KLF12: variants seen among roughly 807,000 people sequenced by gnomAD.
KLF12 encodes the protein KLF transcription factor 12, also known as Krueppel-like factor 12.
KLF12 carries 9 observed loss-of-function variants against 37.8 expected under a neutral mutation model. The observed-to-expected ratio is 0.24, with a 90% CI of 0.14 to 0.42. KLF12 has a LOEUF of 0.42. Among genes scored for constraint, KLF12 ranks in the 10% least tolerant of loss-of-function variants. The pLI is 1.00. For missense variants in KLF12, 411 were observed against 516.0 expected, an observed-to-expected ratio of 0.80 and a Z score of 1.97; for synonymous variants, 208 against 202.1, an observed-to-expected ratio of 1.03 and a Z score of -0.25.
At chr13:73,726,268 C>T (rs1201152320) in intron 6 of KLF12, among the ~76,000 whole-genome samples, 1 of 152,154 alleles carries the variant, frequency 6.6e-6, no homozygotes, top group Non-Finnish European at 1.5e-5. Context: ...TATTATGTTC[C>T]TTCTTTCTTT....
At chr13:74,034,201 T>TA (rs1893187036) in intron 1 of KLF12, among the ~76,000 whole-genome samples, 1 of 152,140 alleles carries the variant, frequency 6.6e-6, no homozygotes, top group East Asian at 1.9e-4. Context: ...TAGCTGGGAT[T>TA]AGAGGCACCC....
intron 2 of KLF12, among the ~76,000 whole-genome samples, chr13:73,954,507 C>A (rs563653659): frequency 1.3e-5 from 2 of 152,196 alleles, no homozygotes; most frequent in Non-Finnish European, 2.9e-5. Context: ...AAAAGCATGA[C>A]GTAGTGTTTG....
intron 3 of KLF12, among the ~76,000 whole-genome samples, chr13:73,899,152 G>GT (rs1887925329): frequency 6.6e-6 from 1 of 152,196 alleles, no homozygotes; most frequent in Admixed American, 6.5e-5. Context: ...ATGGCCACTG[G>GT]GAGACTGAAC....
chr13:74,154,812 G>T, the KLF12 span, among the ~76,000 whole-genome samples: 1 of 152,180 alleles, frequency 6.6e-6, no homozygotes, highest in African/African-American at 2.4e-5. Flanking sequence ...GGGTCCCAAG[G>T]TTCCCCTAGC....
chr13:74,038,908 G>T (rs1274730235), intron 1 of KLF12, among the ~76,000 whole-genome samples: 11 of 150,298 alleles, frequency 7.3e-5, no homozygotes, highest in Admixed American at 5.9e-4. Flanking sequence ...AACATCCCAG[G>T]GGAAAAAAAA....
rs190774452 is a variant in KLF12, at chr13:74,132,008, T to A, written c.-32+1731A>T. On this transcript the variant is annotated intron_variant, in intron 1 of 7. Transcript: ENST00000377669. ...CTATTTCCACTATGCTTCTACAGTT[T>A]GAAATTTTCTAACCTAAAAGTATAC... Among the ~76,000 whole-genome samples, 108 of 152,310 alleles carry A rather than the reference T, an allele frequency of 7.1e-4. 1 individual carries two copies. Among genetic ancestry groups the A allele is most frequent in the African/African-American group, 2.5e-3 (106 of 41,572 alleles).
chr13:74,297,296 G>A, the KLF12 span, among the ~76,000 whole-genome samples: 2 of 152,148 alleles, frequency 1.3e-5, no homozygotes, highest in Non-Finnish European at 2.9e-5. Flanking sequence ...GAGATGTCAG[G>A]TGAGAAAATA....
the KLF12 span, among the ~76,000 whole-genome samples, chr13:74,146,061 T>C: frequency 1.3e-5 from 2 of 152,180 alleles, no homozygotes; most frequent in Non-Finnish European, 2.9e-5. Context: ...CAGAACTCTT[T>C]GAAAATTGGT....
At chr13:73,769,077 AC>A (rs1221844095) in intron 5 of KLF12, among the ~76,000 whole-genome samples, 1 of 152,238 alleles carries the variant, frequency 6.6e-6, no homozygotes, top group African/African-American at 2.4e-5. Flanking sequence ...GCATGTGGGT[AC>A]TTATAAGAAG....
At chr13:74,035,012 A>C (rs1593846275) in intron 1 of KLF12, among the ~76,000 whole-genome samples, 1 of 152,256 alleles carries the variant, frequency 6.6e-6, no homozygotes, top group Middle Eastern at 3.4e-3. Flanking sequence ...CAGCCTCACC[A>C]GTTTCCTGTT....
At chr13:73,717,066 A>T (rs1338836178) in intron 6 of KLF12, among the ~76,000 whole-genome samples, 1 of 152,278 alleles carries the variant, frequency 6.6e-6, no homozygotes, top group African/African-American at 2.4e-5. Flanking sequence ...ACCGAGGGCC[A>T]CACAGTCTTA....
intron 5 of KLF12, among the ~76,000 whole-genome samples, chr13:73,808,497 T>C (rs1276391244): frequency 1.3e-5 from 2 of 152,198 alleles, no homozygotes; most frequent in Non-Finnish European, 2.9e-5. Context: ...ATTGCTGTTG[T>C]AGCCACTAAG....
chr13:74,196,585 C>T, the KLF12 span, among the ~76,000 whole-genome samples: 16 of 152,240 alleles, frequency 1.1e-4, no homozygotes, highest in African/African-American at 3.6e-4. Context: ...TGGTAGGTTT[C>T]ATTAAATATT....
At chr13:73,992,161 G>C (rs2138252026) in intron 2 of KLF12, among the ~76,000 whole-genome samples, 1 of 152,272 alleles carries the variant, frequency 6.6e-6, no homozygotes, top group Non-Finnish European at 1.5e-5. Flanking sequence ...GAAGCACTGG[G>C]TAAACATATT....
intron 6 of KLF12, among the ~76,000 whole-genome samples, chr13:73,758,525 G>A (rs1879337258): frequency 6.6e-6 from 1 of 152,076 alleles, no homozygotes; most frequent in African/African-American, 2.4e-5. Flanking sequence ...GTACAGTGTT[G>A]GGAAGATACC....
chr13:74,161,849 T>C, the KLF12 span, among the ~76,000 whole-genome samples: 1 of 152,208 alleles, frequency 6.6e-6, no homozygotes, highest in Non-Finnish European at 1.5e-5. Context: ...CATGGATAAG[T>C]GCTCATGATA....
chr13:73,701,189 C>T (rs1874528364), intron 7 of KLF12, among the ~76,000 whole-genome samples: 1 of 152,104 alleles, frequency 6.6e-6, no homozygotes, highest in Non-Finnish European at 1.5e-5. Flanking sequence ...CAGACCCCTC[C>T]CAGGGCCTGG....
intron 1 of KLF12, among the ~76,000 whole-genome samples, chr13:74,006,054 T>C (rs1892401989): frequency 1.3e-5 from 2 of 152,216 alleles, no homozygotes; most frequent in Admixed American, 6.5e-5. Flanking sequence ...AGATGTTTAC[T>C]ATACAACACT....
At chr13:73,943,305 G>A (rs374937013) in intron 3 of KLF12, among the ~76,000 whole-genome samples, 3 of 152,218 alleles carry the variant, frequency 2.0e-5, no homozygotes, top group Admixed American at 2.0e-4. Context: ...TGCCAATGCT[G>A]CAACCAATTA....
Sources: allele counts gnomAD v4.1 joint callset (sites outside exome capture counted in the v4.1 genomes callset), GRCh38; gene constraint gnomAD v4.1.1; transcripts MANE v1.5; gene names NCBI Gene and HGNC (gene_info 2026-07-23, HGNC 2026-07-21).